Variants in TBC1D14 observed in about 807,000 individuals in gnomAD.
TBC1D14 encodes the protein TBC1 domain family member 14, also known as TBC1 domain family, member 14.
In TBC1D14, 26 loss-of-function variants were observed where a neutral mutation model predicts 79.0. The observed-to-expected ratio is 0.33, with a 90% CI of 0.24 to 0.46. The LOEUF is 0.46. Among genes scored for constraint, TBC1D14 ranks in the 20% least tolerant of loss-of-function variants. The pLI, the probability that TBC1D14 is intolerant of heterozygous loss-of-function variation, is 1.00. For missense variants in TBC1D14, 769 were observed against 887.6 expected, an observed-to-expected ratio of 0.87 and a Z score of 1.70; for synonymous variants, 394 against 349.9, an observed-to-expected ratio of 1.13 and a Z score of -1.40.
chr4:7,009,738 C>A, intron 9 of TBC1D14, 139 bp from the exon 10 acceptor site: 2 of 847,670 alleles, frequency 2.4e-6, no homozygotes, highest in South Asian at 1.5e-5. Flanking sequence ...GCATATAGAG[C>A]TGCTGGCATC....
chr4:6,969,444 C>T (rs1444726979), intron 3 of TBC1D14, among the ~76,000 whole-genome samples: 2 of 151,804 alleles, frequency 1.3e-5, no homozygotes, highest in African/African-American at 2.4e-5. Flanking sequence ...CTCACTCTGT[C>T]GCCCAGGCTG....
chr4:6,988,745 C>T (rs1577128785), intron 3 of TBC1D14, among the ~76,000 whole-genome samples: 1 of 152,186 alleles, frequency 6.6e-6, no homozygotes, highest in Non-Finnish European at 1.5e-5. Context: ...AGGCTCCTTC[C>T]TGGAAGTCAG....
intron 2 of TBC1D14, among the ~76,000 whole-genome samples, chr4:6,962,166 G>A (rs6812391): frequency 0.09 from 13,681 of 152,222 alleles, 969 homozygotes; most frequent in African/African-American, 0.19. Flanking sequence ...AAGGGGCTAG[G>A]TAGGAGGTGA....
intron 2 of TBC1D14, among the ~76,000 whole-genome samples, chr4:6,936,752 TGA>T (rs1712371436): frequency 6.6e-6 from 1 of 152,238 alleles, no homozygotes; most frequent in Admixed American, 6.5e-5. Flanking sequence ...TAGCAATGAA[TGA>T]GAGTTTCTGT....
chr4:6,953,447 C>G (rs1714284517), intron 2 of TBC1D14, among the ~76,000 whole-genome samples: 1 of 85,146 alleles, frequency 1.2e-5, no homozygotes, highest in Non-Finnish European at 2.4e-5. Flanking sequence ...CGGTGAAACC[C>G]CGTCTCTACT....
At position 6,913,962 on chromosome 4, in the gene TBC1D14, AAACAAC is replaced by A. The variant is rs888068223; in HGVS notation, c.-18+4026_-18+4031del. Among the ~76,000 whole-genome samples the A allele has an allele frequency of 3.3e-5, 5 of 151,916 alleles. No individual in the cohort carries two copies. In the East Asian group the frequency reaches 5.8e-4, roughly 18 times the overall value. The stretch of plus-strand genomic sequence containing the variant: ...TGGGCAACATGGTGAAACCCTACCA[AAACAAC>A]AACAACAACAACAAAAAATTAGCTG... On this transcript the variant is annotated intron_variant, in intron 1 of 13. Transcript: ENST00000409757.
At chr4:6,954,513 A>G (rs1437142160) in intron 2 of TBC1D14, among the ~76,000 whole-genome samples, 1 of 152,162 alleles carries the variant, frequency 6.6e-6, no homozygotes, top group Non-Finnish European at 1.5e-5. Flanking sequence ...TCTAGGCAGC[A>G]TCTCTGAGTG....
chr4:6,915,410 G>C (rs1365172271), intron 1 of TBC1D14, among the ~76,000 whole-genome samples: 1 of 152,182 alleles, frequency 6.6e-6, no homozygotes, highest in East Asian at 1.9e-4. Context: ...ATCTGGAAAC[G>C]GTAGAACTCA....
chr4:6,940,018 C>T (rs11723651), intron 2 of TBC1D14, among the ~76,000 whole-genome samples: 45,078 of 152,112 alleles, frequency 0.3, 6,783 homozygotes, highest in Admixed American at 0.33. Context: ...CGGCACCTCA[C>T]GCATGCTCAG....
chr4:6,967,262 A>G (rs372253471), intron 2 of TBC1D14, 42 bp from the exon 3 acceptor site: 2 of 1,603,562 alleles, frequency 1.2e-6, no homozygotes, highest in Non-Finnish European at 8.5e-7. Flanking sequence ...TGTTTCTTGA[A>G]TTACCCAGAA....
intron 2 of TBC1D14, among the ~76,000 whole-genome samples, chr4:6,964,865 C>T (rs774424936): frequency 5.3e-5 from 8 of 152,148 alleles, no homozygotes; most frequent in Non-Finnish European, 1.0e-4. Flanking sequence ...AGAAAACCCC[C>T]GGAACTCCAA....
At chr4:7,021,035 A>G (rs2109301506) in intron 12 of TBC1D14, among the ~76,000 whole-genome samples, 1 of 152,348 alleles carries the variant, frequency 6.6e-6, no homozygotes, top group East Asian at 1.9e-4. Context: ...GGCAGAGGCC[A>G]GTTCTGTTCC....
At chr4:7,017,157 G>T (rs1241690089) in intron 12 of TBC1D14, among the ~76,000 whole-genome samples, 1 of 152,122 alleles carries the variant, frequency 6.6e-6, no homozygotes, top group Non-Finnish European at 1.5e-5. Flanking sequence ...AAAATTGGCT[G>T]GGCATGGTGG....
At chr4:6,915,343 G>T (rs1344889024) in intron 1 of TBC1D14, among the ~76,000 whole-genome samples, 1 of 152,192 alleles carries the variant, frequency 6.6e-6, no homozygotes, top group Non-Finnish European at 1.5e-5. Flanking sequence ...AACCCCCTGC[G>T]ACCGGGGTAG....
Position 7,011,489 on chromosome 4 carries a change from TG to T in TBC1D14, c.1647+709del, listed in dbSNP as rs576651553. ...GAATCCGTTCTGGTTCCTAAGCCCT[TG>T]TTCTTTCTGTAGCATAGAAGTCACT... On this transcript the variant is annotated intron_variant, in intron 11 of 13. Transcript: ENST00000409757. Among the ~76,000 whole-genome samples the T allele has an allele frequency of 3.3e-4, 50 of 152,306 alleles. No homozygotes were observed. In the South Asian group the frequency reaches 9.1e-3, roughly 28 times the overall value.
intron 9 of TBC1D14, among the ~76,000 whole-genome samples, chr4:7,009,563 T>TG: frequency 6.6e-6 from 1 of 152,316 alleles, no homozygotes; most frequent in South Asian, 2.1e-4. Flanking sequence ...CTGGCTCTCC[T>TG]GGTGGGCTTT....
chr4:6,923,557 A>AG lies in TBC1D14; in HGVS notation c.169dup (p.Asp57GlyfsTer60), dbSNP rs1213356561. The AG allele has an allele frequency of 6.2e-7, 1 of 1,614,020 alleles. No individual in the cohort carries two copies. Among genetic ancestry groups the AG allele is most frequent in the Non-Finnish European group, 8.5e-7 (1 of 1,180,032 alleles). On this transcript the variant is annotated frameshift_variant, in exon 2 of 14. Coordinates refer to ENST00000409757, the MANE Select transcript of TBC1D14 (RefSeq NM_020773.3). LOFTEE classifies it high-confidence loss of function. ...CCAAGCTGAAACTCAGGGCTTTAGA[A>AG]GACCGGCACAGCCTCCAGTCCGTGG...
chr4:7,007,376 T>C (rs542413119), intron 9 of TBC1D14: 6 of 408,998 alleles, frequency 1.5e-5, no homozygotes, highest in African/African-American at 4.2e-5. Flanking sequence ...CTGAACTCTT[T>C]AAAGACCTTC....
At chr4:6,924,769 C>T (rs570387762) in intron 2 of TBC1D14, among the ~76,000 whole-genome samples, 23 of 152,284 alleles carry the variant, frequency 1.5e-4, no homozygotes, top group Admixed American at 4.6e-4. Flanking sequence ...TTCTGCCTCT[C>T]GTTTGTGCTC....
Sources: allele counts gnomAD v4.1 joint callset (sites outside exome capture counted in the v4.1 genomes callset), GRCh38; gene constraint gnomAD v4.1.1; transcripts MANE v1.5; gene names NCBI Gene and HGNC (gene_info 2026-07-23, HGNC 2026-07-21).